Variants in ADGRV1 observed in about 807,000 individuals in gnomAD.
ADGRV1 encodes adhesion G protein-coupled receptor V1.
Under a neutral mutation model 596.2 loss-of-function variants are expected in ADGRV1, and 359 were observed. The ratio of observed to expected loss-of-function variants is 0.60; its 90% confidence interval spans 0.55 to 0.66. The LOEUF (loss-of-function observed/expected upper bound fraction) is 0.66, where lower values mean the gene tolerates loss of function less well. ADGRV1 is among the 30% of genes least tolerant of loss of function. The probability of loss-of-function intolerance (pLI) is 0.00; values close to 1 mark genes in which losing one functional copy is unlikely to be tolerated. For synonymous variants in ADGRV1, 2,681 were observed against 2,679.2 expected (o/e 1.00, Z -0.02); for missense variants, 7,274 against 7,575.6 (o/e 0.96, Z 1.48).
At chr5:90,687,870 C>T (rs1357928228) in intron 29 of ADGRV1, among the ~76,000 whole-genome samples, 2 of 152,038 alleles carry the variant, frequency 1.3e-5, no homozygotes, top group Non-Finnish European at 2.9e-5. Flanking sequence ...TCAAGGAGAA[C>T]TACAAACCAC....
At chr5:90,954,304 G>T (rs906872385) in intron 83 of ADGRV1, among the ~76,000 whole-genome samples, 7 of 151,692 alleles carry the variant, frequency 4.6e-5, no homozygotes, top group Non-Finnish European at 8.8e-5. Flanking sequence ...CTAAATGTTG[G>T]ATCTGTATGG....
At chr5:90,921,694 T>C (rs1773885854) in intron 83 of ADGRV1, among the ~76,000 whole-genome samples, 1 of 152,114 alleles carries the variant, frequency 6.6e-6, no homozygotes, top group Non-Finnish European at 1.5e-5. Context: ...CTAAATCCTC[T>C]AGAGGCTAAA....
In ADGRV1 at chr5:90,627,478, G is replaced by C; in HGVS notation, c.940G>C (p.Ala314Pro). The C allele has an allele frequency of 6.2e-7, 1 of 1,613,968 alleles. No homozygotes were observed. Among genetic ancestry groups the C allele is most frequent in the African/African-American group, 1.3e-5 (1 of 75,052 alleles). ...TGCTGTCACAACTGGGAATTCCACAGCACATGCCCAGCAAAATCTGGACTT... is the reference window on the plus strand; with the variant it reads ...TGCTGTCACAACTGGGAATTCCACACCACATGCCCAGCAAAATCTGGACTT... ...SYAVTTGNSTAHAQQNLDFID... is the reference protein window; with the variant it reads ...SYAVTTGNSTPHAQQNLDFID... The change falls in exon 7 of 90, where the codon GCA (alanine) becomes CCA (proline). Residue 314 changes from alanine to proline, a missense_variant. Physicochemically the swap from Ala to Pro is conservative, Grantham distance 27. Coordinates refer to ENST00000405460, the MANE Select transcript of ADGRV1 (RefSeq NM_032119.4).
At position 90,763,430 on chromosome 5, in the gene ADGRV1, T is replaced by C. The variant is rs1265994067; in HGVS notation, c.12246T>C (p.His4082=). Residue 4082 remains histidine, a synonymous_variant, in exon 59 of 90, where the codon CAT becomes CAC. Transcript: ENST00000405460. ...LEWTIDEKAK[H]NLSPLNGTLH... ...GGACCATAGATGAGAAGGCTAAACA[T>C]AACCTTAGTCCTTTGAATGGGACCC... The C allele has an allele frequency of 6.2e-7, 1 of 1,613,780 alleles. No homozygotes were observed. Among genetic ancestry groups the C allele is most frequent in the Non-Finnish European group, 8.5e-7 (1 of 1,179,722 alleles).
Position 90,776,463 on chromosome 5 carries a change from A to G in ADGRV1, c.12414A>G (p.Ser4138=). The G allele has an allele frequency of 6.2e-7, 1 of 1,612,054 alleles. No individual in the cohort carries two copies. The highest frequency in any genetic ancestry group is 8.5e-7 in the Non-Finnish European group (1 of 1,178,772). The change falls in exon 61 of 90, where the codon TCA becomes TCG. Residue 4138 remains serine (S), a synonymous_variant. Coordinates refer to ENST00000405460, the MANE Select transcript of ADGRV1 (RefSeq NM_032119.4). ...VEISPVKGSA[S]IIIRGDKRAS... ...TCATCTTGAATTTAGGTAGTGCATC[A>G]ATAATTATTCGGGGTGATAAGCGAG...
rs12186867 is a variant in ADGRV1 at position 90,647,882 on chromosome 5, G to A, written c.3289+118G>A. 356,629 of 843,692 alleles carry A rather than the reference G, an allele frequency of 0.42. 76,775 individuals carry two copies. Among genetic ancestry groups the A allele is most frequent in the Admixed American group, 0.57 (20,333 of 35,546 alleles). 52.3% of individuals were successfully genotyped at this position (843,692 alleles called of 1,614,324 possible). On this transcript the variant is annotated intron_variant, in intron 17 of 89. Coordinates refer to ENST00000405460, the MANE Select transcript of ADGRV1 (RefSeq NM_032119.4). ...GCCTAACTACATTTGTACTATTCAA[G>A]AGTAAAATTATTTCATTGCTTTCTT...
Position 90,927,373 on chromosome 5 carries a change from C to T in ADGRV1, c.17857-38042C>T, listed in dbSNP as rs557893785. ...TTAGCTCTTGTTGTTGAATTGATCC[C>T]TTTACCATTATGTAATGGCATTCTT... is the stretch of plus-strand genomic sequence containing the variant. On this transcript the variant is annotated intron_variant, in intron 83 of 89. Transcript: ENST00000405460. Among the ~76,000 whole-genome samples, 11 of 152,186 alleles carry T rather than the reference C, an allele frequency of 7.2e-5. No homozygotes were observed. The East Asian group carries it at 1.9e-3, about 27-fold the overall frequency.
At position 90,745,743 on chromosome 5, in the gene ADGRV1, C is replaced by T. The variant is rs965730524; in HGVS notation, c.10922C>T (p.Thr3641Ile). 3.1e-6 allele frequency: 5 copies of T among 1,611,902 alleles called. No individual in the cohort carries two copies. The South Asian group carries it at 4.4e-5, about 14-fold the overall frequency. The change falls in exon 52 of 90, where the codon ACA becomes ATA. Residue 3641 changes from threonine (T) to isoleucine (I), a missense_variant. Physicochemically the swap from Thr to Ile is moderately conservative, Grantham distance 89 (BLOSUM62 -1). Coordinates refer to ENST00000405460, the MANE Select transcript of ADGRV1 (RefSeq NM_032119.4). Reference protein sequence around the residue: ...GAEIGINDSVTITILSNDDAY... With the variant: ...GAEIGINDSVIITILSNDDAY... ...GAGATTGGCATTAATGATTCTGTAA[C>T]AATAACCATTCTGTCTAATGATGAT... is the stretch of plus-strand genomic sequence containing the variant.
Position 91,153,375 on chromosome 5 carries a change from A to G in ADGRV1, c.18779A>G (p.Asp6260Gly). ...GATGAGGAGTCCCAGGAGTTTGATG[A>G]TTTAATATTTGCATTAAAAACTGGT... ...IADEESQEFD[D>G]LIFALKTGAG... Residue 6260 changes from aspartate (D) to glycine (G), a missense_variant, in exon 89 of 90, where the codon GAT (aspartate) becomes GGT (glycine). By Grantham distance (94) the Asp-to-Gly change is moderately conservative (BLOSUM62 -1). This residue lies in a region of ADGRV1 where 1,874 missense variants were observed against 1,970.2 expected (regional missense o/e 0.95). Transcript: ENST00000405460. 4 of 1,605,928 alleles carry G rather than the reference A, an allele frequency of 2.5e-6. No homozygotes were observed. The highest frequency in any genetic ancestry group is 3.4e-6 in the Non-Finnish European group (4 of 1,175,744).
chr5:91,105,258 TTCCACA>T (rs1164490950), intron 87 of ADGRV1, among the ~76,000 whole-genome samples: 1 of 152,190 alleles, frequency 6.6e-6, no homozygotes, highest in Non-Finnish European at 1.5e-5. Flanking sequence ...CCTAGGTTGA[TTCCACA>T]TCTTGGCTAT....
chr5:90,877,737 C>T (rs1769356565), intron 83 of ADGRV1, among the ~76,000 whole-genome samples: 1 of 150,874 alleles, frequency 6.6e-6, no homozygotes, highest in South Asian at 2.1e-4. Context: ...AATGCTTTTT[C>T]TTTTTTTTAA....
intron 87 of ADGRV1, among the ~76,000 whole-genome samples, chr5:91,104,808 C>CA (rs577762214): frequency 8.8e-4 from 133 of 151,334 alleles, no homozygotes; most frequent in African/African-American, 3.2e-3. Context: ...AAAGTAATGG[C>CA]AAAAACTGCA....
chr5:90,647,212 T>C (rs1767916876), intron 16 of ADGRV1, among the ~76,000 whole-genome samples: 1 of 152,190 alleles, frequency 6.6e-6, no homozygotes, highest in African/African-American at 2.4e-5. Flanking sequence ...AACTTAGAAA[T>C]GAGGTTTATG....
At chr5:90,862,347 GTA>G (rs1767679579) in intron 82 of ADGRV1, among the ~76,000 whole-genome samples, 2 of 84,464 alleles carry the variant, frequency 2.4e-5, no homozygotes, top group South Asian at 9.1e-4. Flanking sequence ...TTTAAAGTCA[GTA>G]TATTACTCAC....
chr5:90,797,287 C>CAAAAAAAAAAAA (rs780696194), intron 70 of ADGRV1, among the ~76,000 whole-genome samples: 130 of 26,316 alleles, frequency 4.9e-3, no homozygotes, highest in Non-Finnish European at 6.1e-3. Flanking sequence ...AAATGAAAAG[C>CAAAAAAAAAAAA]AAAAAAAAAA....
At chr5:90,763,551 A>G (rs1756749918) in intron 59 of ADGRV1, 82 bp downstream of exon 59, 15 of 1,402,452 alleles carry the variant, frequency 1.1e-5, no homozygotes, top group Non-Finnish European at 1.4e-5. Context: ...AAATTCAGGG[A>G]GCACATGTGC....
chr5:90,803,297 C>G (rs1490515913), intron 71 of ADGRV1, among the ~76,000 whole-genome samples: 1 of 152,092 alleles, frequency 6.6e-6, no homozygotes, highest in Non-Finnish European at 1.5e-5. Context: ...ATGGTTGCAA[C>G]TAAGTATTTG....
At chr5:90,722,934 A>C (rs2149786483) in intron 45 of ADGRV1, among the ~76,000 whole-genome samples, 1 of 152,172 alleles carries the variant, frequency 6.6e-6, no homozygotes, top group East Asian at 1.9e-4. Context: ...ATGATGGCCT[A>C]GCAAAGGAGA....
chr5:90,748,867 T>G (rs1754938776), intron 52 of ADGRV1, among the ~76,000 whole-genome samples: 1 of 149,734 alleles, frequency 6.7e-6, no homozygotes, highest in South Asian at 2.1e-4. Flanking sequence ...GCTGGTATAC[T>G]GCTGTGCTCA....
Sources: gnomAD v4.1 joint callset for allele counts (sites outside exome capture counted in the v4.1 genomes callset) on GRCh38, gnomAD v4.1.1 for gene constraint, gnomAD v4.1.1 regional missense constraint, MANE v1.5 for transcripts, NCBI Gene and HGNC (gene_info 2026-07-23, HGNC 2026-07-21) for gene names.